Variants in JPH2 observed in about 807,000 individuals in gnomAD.
JPH2 encodes junctophilin 2.
In JPH2, 38 loss-of-function variants were observed where a neutral mutation model predicts 55.9. The observed-to-expected ratio is 0.68, with a 90% CI of 0.52 to 0.89. JPH2 has a LOEUF of 0.89. JPH2 is among the 40% of genes least tolerant of loss of function. JPH2 has a pLI of 0.00. For missense variants in JPH2, 964 were observed against 1,037.6 expected (o/e 0.93, Z 0.97); for synonymous variants, 480 against 472.4 (o/e 1.02, Z -0.21).
chr20:44,175,895 C>T (rs1258323530), intron 1 of JPH2, among the ~76,000 whole-genome samples: 1 of 152,118 alleles, frequency 6.6e-6, no homozygotes, highest in African/African-American at 2.4e-5. Context: ...AAAAGGAGAC[C>T]CACCTACCTG....
chr20:44,138,972 CG>C (rs1404877424), intron 2 of JPH2, among the ~76,000 whole-genome samples: 4 of 152,160 alleles, frequency 2.6e-5, no homozygotes, highest in African/African-American at 9.7e-5. Context: ...GCTGCCACAC[CG>C]CTGTGCCTTT....
chr20:44,143,367 C>G (rs2072472017), intron 2 of JPH2, among the ~76,000 whole-genome samples: 2 of 152,208 alleles, frequency 1.3e-5, no homozygotes, highest in African/African-American at 4.8e-5. Flanking sequence ...TAAGGTCAGA[C>G]TCACCCAGCA....
intron 2 of JPH2, among the ~76,000 whole-genome samples, chr20:44,129,662 TTGG>T (rs1366046525): frequency 1.3e-5 from 2 of 152,080 alleles, no homozygotes; most frequent in Non-Finnish European, 2.9e-5. Context: ...CCAAAGATAT[TTGG>T]TCCTAGTGTC....
In JPH2 at chr20:44,130,249, C is replaced by T. The variant is rs147617331; in HGVS notation, c.1170-11626G>A. Among the ~76,000 whole-genome samples the T allele has an allele frequency of 1.8e-3, 280 of 152,372 alleles. 1 individual carries two copies. The highest frequency in any genetic ancestry group is 3.2e-3 in the Non-Finnish European group (218 of 68,036). ...GCACAAAAGCCTTTGCTGACCCCTGCATCTGCTGCACCGCTTCAGCTCCTG... is the reference window on the plus strand; with the variant it reads ...GCACAAAAGCCTTTGCTGACCCCTGTATCTGCTGCACCGCTTCAGCTCCTG... On this transcript the variant is annotated intron_variant, in intron 2 of 5. Transcript: ENST00000372980.
intron 1 of JPH2, among the ~76,000 whole-genome samples, chr20:44,167,876 G>A (rs934932109): frequency 2.6e-5 from 4 of 152,188 alleles, no homozygotes; most frequent in Admixed American, 6.5e-5. Flanking sequence ...GGATACAGCC[G>A]TGAACTAAGT....
intron 2 of JPH2, among the ~76,000 whole-genome samples, chr20:44,120,823 G>A (rs993317310): frequency 3.9e-5 from 6 of 152,248 alleles, no homozygotes; most frequent in African/African-American, 1.2e-4. Flanking sequence ...AGCTGTCCTG[G>A]GCTGCATGGG....
At chr20:44,134,865 AATAT>A (rs3973739) in intron 2 of JPH2, among the ~76,000 whole-genome samples, 1 of 61,254 alleles carries the variant, frequency 1.6e-5, no homozygotes, top group South Asian at 5.7e-4. Context: ...TATATATATA[AATAT>A]ATATATTTAT....
intron 1 of JPH2, among the ~76,000 whole-genome samples, chr20:44,178,722 G>A (rs893843987): frequency 7.9e-5 from 12 of 152,198 alleles, no homozygotes; most frequent in African/African-American, 2.9e-4. Context: ...GAGCAAAGTT[G>A]AAGAATTTAC....
At chr20:44,152,595 A>G (rs1294116490) in intron 2 of JPH2, among the ~76,000 whole-genome samples, 2 of 152,228 alleles carry the variant, frequency 1.3e-5, no homozygotes, top group East Asian at 1.9e-4. Flanking sequence ...AGATGAATGC[A>G]TATTAAATAA....
At chr20:44,183,064 C>A (rs1376338948) in intron 1 of JPH2, among the ~76,000 whole-genome samples, 2 of 152,034 alleles carry the variant, frequency 1.3e-5, no homozygotes, top group Admixed American at 1.3e-4. Context: ...CAGACACGTG[C>A]ACACACAGAC....
chr20:44,122,715 TGATGATGAC>T (rs1203013949), intron 2 of JPH2, among the ~76,000 whole-genome samples: 1 of 152,158 alleles, frequency 6.6e-6, no homozygotes, highest in Non-Finnish European at 1.5e-5. Flanking sequence ...TGTTTGGTCT[TGATGATGAC>T]GATGATGGGG....
At chr20:44,176,523 C>T (rs997153186) in intron 1 of JPH2, among the ~76,000 whole-genome samples, 21 of 151,860 alleles carry the variant, frequency 1.4e-4, no homozygotes, top group African/African-American at 5.1e-4. Flanking sequence ...AGCCATAGGC[C>T]GGGCACAGTG....
At position 44,110,075 on chromosome 20, in the gene JPH2, C is replaced by T. The variant is rs900847598; in HGVS notation, c.*3443G>A. Among the ~76,000 whole-genome samples the T allele has an allele frequency of 6.6e-6, 1 of 152,128 alleles. No homozygotes were observed. The highest frequency in any genetic ancestry group is 2.4e-5 in the African/African-American group (1 of 41,424). ...AGGCATCGGCCTGGCTGTGTCCTACCCTTGAGCCAACAGGGGGTGCTGTCT... is the reference window on the plus strand; with the variant it reads ...AGGCATCGGCCTGGCTGTGTCCTACTCTTGAGCCAACAGGGGGTGCTGTCT... On this transcript the variant is annotated 3_prime_UTR_variant, in exon 6 of 6. Coordinates refer to ENST00000372980, the MANE Select transcript of JPH2 (RefSeq NM_020433.5).
At chr20:44,125,705 G>C (rs1414184681) in intron 2 of JPH2, among the ~76,000 whole-genome samples, 1 of 152,226 alleles carries the variant, frequency 6.6e-6, no homozygotes, top group Non-Finnish European at 1.5e-5. Flanking sequence ...TAAACCACAT[G>C]GTGGAGTGGC....
At position 44,109,409 on chromosome 20, in the gene JPH2, A is replaced by G. The variant is rs2072126889; in HGVS notation, c.*4109T>C. On this transcript the variant is annotated 3_prime_UTR_variant, in exon 6 of 6. Coordinates refer to ENST00000372980, the MANE Select transcript of JPH2 (RefSeq NM_020433.5). ...AACATGGTATTCATCACCCCCAGAA[A>G]AGTAAGAAAGTTCTAGATGTTAAGG... Among the ~76,000 whole-genome samples, 1 of 152,210 alleles carries G rather than the reference A, an allele frequency of 6.6e-6. No homozygotes were observed. Among genetic ancestry groups the G allele is most frequent in the South Asian group, 2.1e-4 (1 of 4,826 alleles).
At chr20:44,120,072 C>T (rs1023034003) in intron 2 of JPH2, among the ~76,000 whole-genome samples, 6 of 152,004 alleles carry the variant, frequency 3.9e-5, no homozygotes, top group Non-Finnish European at 7.4e-5. Context: ...AGCTCATCTC[C>T]TTCCCTACGC....
intron 2 of JPH2, among the ~76,000 whole-genome samples, chr20:44,128,637 G>A (rs191834836): frequency 6.6e-6 from 1 of 151,802 alleles, no homozygotes; most frequent in Non-Finnish European, 1.5e-5. Flanking sequence ...TGGAAAATGA[G>A]CATTTTTAAA....
In JPH2 at chr20:44,178,024, G is replaced by T. The variant is rs781429502; in HGVS notation, c.379+8303C>A. The T allele has an allele frequency of 9.8e-6, 8 of 818,162 alleles. No homozygotes were observed. In the South Asian group the frequency reaches 1.1e-4, roughly 11 times the overall value. 50.7% of individuals were successfully genotyped at this position (818,162 alleles called of 1,614,324 possible). A position where few individuals can be genotyped will look rare whatever the true frequency, so the allele number is the denominator to read the frequency against. On this transcript the variant is annotated intron_variant, in intron 1 of 5. Coordinates refer to ENST00000372980, the MANE Select transcript of JPH2 (RefSeq NM_020433.5). ...CAGGGAGGTTACATGGTGCACCCAG[G>T]TTCATATGGTTAAGAACCGGCACAG...
intron 2 of JPH2, among the ~76,000 whole-genome samples, chr20:44,133,211 C>T (rs1276663241): frequency 1.4e-5 from 2 of 147,026 alleles, no homozygotes; most frequent in Non-Finnish European, 3.0e-5. Flanking sequence ...TCTCTGCAAA[C>T]AGCACCTTCT....
Sources: gnomAD v4.1 joint callset for allele counts (sites outside exome capture counted in the v4.1 genomes callset) on GRCh38, gnomAD v4.1.1 for gene constraint, MANE v1.5 for transcripts, NCBI Gene and HGNC (gene_info 2026-07-23, HGNC 2026-07-21) for gene names.